The following SLC30A8 variants were observed in gnomAD, a reference collection of about 807,000 sequenced individuals.
SLC30A8 encodes the protein proton-coupled zinc antiporter SLC30A8.
A neutral mutation model predicts 36.9 loss-of-function variants in SLC30A8; 27 were observed. The ratio of observed to expected loss-of-function variants is 0.73; its 90% confidence interval spans 0.54 to 1.01. SLC30A8 has a LOEUF of 1.01. Among genes scored for constraint, SLC30A8 ranks in the 50% least tolerant of loss-of-function variants. The probability of loss-of-function intolerance (pLI) is 0.00; values close to 1 mark genes in which losing one functional copy is unlikely to be tolerated. For missense variants in SLC30A8, 439 were observed against 452.0 expected, an observed-to-expected ratio of 0.97 and a Z score of 0.26; for synonymous variants, 164 against 172.4, an observed-to-expected ratio of 0.95 and a Z score of 0.38.
intron 1 of SLC30A8, among the ~76,000 whole-genome samples, chr8:117,018,615 G>A (rs1816599213): frequency 6.6e-6 from 1 of 151,326 alleles, no homozygotes; most frequent in Non-Finnish European, 1.5e-5. Context: ...GATAGTGTTG[G>A]CCTAGACCAC....
At chr8:117,037,718 G>A (rs1817259788) in intron 1 of SLC30A8, among the ~76,000 whole-genome samples, 1 of 152,134 alleles carries the variant, frequency 6.6e-6, no homozygotes, top group Admixed American at 6.5e-5. Flanking sequence ...AGAAAACAAG[G>A]CATATGCATC....
intron 1 of SLC30A8, among the ~76,000 whole-genome samples, chr8:117,142,557 C>G (rs184011387): frequency 7.7e-4 from 117 of 152,220 alleles, no homozygotes; most frequent in African/African-American, 2.7e-3. Flanking sequence ...ACAGGGGACA[C>G]CTATGTAGTT....
At chr8:117,115,192 G>T (rs1820395275) in intron 2 of SLC30A8, among the ~76,000 whole-genome samples, 2 of 151,956 alleles carry the variant, frequency 1.3e-5, no homozygotes, top group Non-Finnish European at 2.9e-5. Context: ...TTCCTGCCTT[G>T]GCCTTCCAAA....
chr8:117,114,846 T>C (rs1455781363), intron 2 of SLC30A8, among the ~76,000 whole-genome samples: 3 of 152,082 alleles, frequency 2.0e-5, no homozygotes, highest in Non-Finnish European at 4.4e-5. Context: ...ATCTGAATTA[T>C]ACTTTAGGCT....
intron 2 of SLC30A8, among the ~76,000 whole-genome samples, chr8:117,071,096 T>C: frequency 6.6e-6 from 1 of 152,200 alleles, no homozygotes; most frequent in South Asian, 2.1e-4. Flanking sequence ...GATAGTTCTA[T>C]TTTTAATTAT....
At chr8:117,046,782 C>T (rs1323663323) in intron 2 of SLC30A8, among the ~76,000 whole-genome samples, 1 of 152,222 alleles carries the variant, frequency 6.6e-6, no homozygotes, top group Admixed American at 6.5e-5. Flanking sequence ...TCTCAATTTC[C>T]ACTCTACGGA....
intron 2 of SLC30A8, among the ~76,000 whole-genome samples, chr8:117,047,623 A>G (rs1364152192): frequency 6.6e-6 from 1 of 152,080 alleles, no homozygotes; most frequent in Non-Finnish European, 1.5e-5. Flanking sequence ...AAAGGTCAGG[A>G]TAGGAGAGTG....
chr8:117,007,603 T>C (rs1293304492), intron 1 of SLC30A8, among the ~76,000 whole-genome samples: 1 of 152,218 alleles, frequency 6.6e-6, no homozygotes, highest in Non-Finnish European at 1.5e-5. Flanking sequence ...ATTCTTTTCT[T>C]CAAATACATA....
At chr8:117,084,381 G>C (rs1818789362) in intron 2 of SLC30A8, among the ~76,000 whole-genome samples, 2 of 152,100 alleles carry the variant, frequency 1.3e-5, no homozygotes, top group South Asian at 4.2e-4. Flanking sequence ...AAGTACATGT[G>C]GGACATTATG....
At chr8:116,958,786 TTA>T (rs1176230313) in intron 1 of SLC30A8, among the ~76,000 whole-genome samples, 1 of 151,862 alleles carries the variant, frequency 6.6e-6, no homozygotes, top group Non-Finnish European at 1.5e-5. Context: ...GAGAATCTAC[TTA>T]TATGTATATT....
At chr8:117,041,845 C>T (rs1436105423) in intron 2 of SLC30A8, among the ~76,000 whole-genome samples, 1 of 152,232 alleles carries the variant, frequency 6.6e-6, no homozygotes, top group South Asian at 2.1e-4. Flanking sequence ...CAATAAGATA[C>T]ATTTCAGTTA....
chr8:117,148,212 C>CT (rs1201298456), intron 2 of SLC30A8, among the ~76,000 whole-genome samples: 1 of 151,948 alleles, frequency 6.6e-6, no homozygotes, highest in Non-Finnish European at 1.5e-5. Context: ...GAGAAGATAG[C>CT]TTTTTTGTTG....
intron 2 of SLC30A8, among the ~76,000 whole-genome samples, chr8:117,098,503 C>T (rs1163753252): frequency 6.6e-6 from 1 of 152,140 alleles, no homozygotes; most frequent in African/African-American, 2.4e-5. Flanking sequence ...GGATGCGTGT[C>T]TGGGATAAAC....
intron 2 of SLC30A8, among the ~76,000 whole-genome samples, chr8:117,041,700 TAAAA>T (rs1563761166): frequency 1.3e-5 from 2 of 150,604 alleles, no homozygotes; most frequent in Admixed American, 6.6e-5. Context: ...AAAAAAAAAA[TAAAA>T]AAATAAAAAA....
chr8:117,138,532 G>A, intron 1 of SLC30A8, among the ~76,000 whole-genome samples: 1 of 151,868 alleles, frequency 6.6e-6, no homozygotes, highest in East Asian at 1.9e-4. Context: ...CACCCCTAGA[G>A]CAAAAGGCTG....
chr8:116,971,339 G>T (rs1352048608), intron 1 of SLC30A8, among the ~76,000 whole-genome samples: 1 of 151,734 alleles, frequency 6.6e-6, no homozygotes, highest in Non-Finnish European at 1.5e-5. Context: ...CTAAATTAAA[G>T]TAGCTGTGGT....
chr8:116,971,232 A>T (rs908683819), intron 1 of SLC30A8, among the ~76,000 whole-genome samples: 2 of 152,264 alleles, frequency 1.3e-5, no homozygotes, highest in Admixed American at 6.5e-5. Context: ...TATGTAGCAA[A>T]CCTACATATC....
At chr8:117,052,655 T>G (rs909244388) in intron 2 of SLC30A8, among the ~76,000 whole-genome samples, 6 of 152,108 alleles carry the variant, frequency 3.9e-5, no homozygotes, top group Non-Finnish European at 8.8e-5. Context: ...TATTATAGAG[T>G]TGTGGTTCAG....
intron 1 of SLC30A8, among the ~76,000 whole-genome samples, chr8:116,968,469 A>G (rs1434849607): frequency 6.6e-6 from 1 of 151,578 alleles, no homozygotes; most frequent in African/African-American, 2.4e-5. Context: ...GGACTGTTTT[A>G]TTCATGGCAG....
Sources: allele counts gnomAD v4.1 joint callset (sites outside exome capture counted in the v4.1 genomes callset), GRCh38; gene constraint gnomAD v4.1.1; transcripts MANE v1.5; gene names NCBI Gene and HGNC (gene_info 2026-07-23, HGNC 2026-07-21).